MSH4: variants seen among roughly 807,000 people sequenced by gnomAD.
MSH4 encodes mutS homolog 4.
In MSH4, 106 loss-of-function variants were observed where a neutral mutation model predicts 113.7. The ratio of observed to expected loss-of-function variants is 0.93; its 90% CI spans 0.80 to 1.10. MSH4 has a LOEUF of 1.10. Among genes scored for constraint, MSH4 ranks in the 50% least tolerant of loss-of-function variants. MSH4 has a pLI of 0.00. For synonymous variants in MSH4, 368 were observed against 380.2 expected, an observed-to-expected ratio of 0.97 and a Z score of 0.37; for missense variants, 1,061 against 1,093.7, an observed-to-expected ratio of 0.97 and a Z score of 0.42.
rs2100574592 is a variant in MSH4, at chr1:75,883,734, A to G, written c.2020A>G (p.Asn674Asp). Residue 674 changes from asparagine to aspartate, a missense_variant, in exon 15 of 20, where the codon AAT (asparagine) becomes GAT (aspartate). Asn to Asp is a conservative substitution (Grantham distance 23). Transcript: ENST00000263187. The stretch of plus-strand genomic sequence containing the variant: ...CAATACCTATGTTACAGAAGGGAGT[A>G]ATTTTTTGATCATAACTGGACCAAA... ...ANNTYVTEGS[N>D]FLIITGPNMS... The G allele has an allele frequency of 6.2e-7, 1 of 1,613,414 alleles. No homozygotes were observed. The highest frequency in any genetic ancestry group is 2.2e-5 in the East Asian group (1 of 44,778).
At chr1:75,876,362 G>C (rs1042171918) in intron 9 of MSH4, among the ~76,000 whole-genome samples, 2 of 151,670 alleles carry the variant, frequency 1.3e-5, no homozygotes, top group East Asian at 3.9e-4. Flanking sequence ...ATTATTTTCT[G>C]TTCATAAGCA....
intron 7 of MSH4, 82 bp from the exon 8 acceptor site, chr1:75,848,127 C>A: frequency 2.3e-6 from 2 of 874,892 alleles, no homozygotes; most frequent in Non-Finnish European, 3.6e-6. Flanking sequence ...CTATTTTATT[C>A]TTTGAGGATA....
At chr1:75,856,529 C>T (rs1413053346) in intron 8 of MSH4, among the ~76,000 whole-genome samples, 1 of 152,130 alleles carries the variant, frequency 6.6e-6, no homozygotes, top group Non-Finnish European at 1.5e-5. Context: ...TGAGTGAGAA[C>T]ATGCGGTGTT....
At chr1:75,820,278 AGT>A (rs1219828270) in intron 6 of MSH4, among the ~76,000 whole-genome samples, 6 of 152,220 alleles carry the variant, frequency 3.9e-5, no homozygotes, top group Admixed American at 3.9e-4. Flanking sequence ...TCCTTGTTAA[AGT>A]GTAGTTCATT....
intron 8 of MSH4, among the ~76,000 whole-genome samples, chr1:75,855,868 G>A (rs1443948717): frequency 6.6e-6 from 1 of 152,164 alleles, no homozygotes; most frequent in Non-Finnish European, 1.5e-5. Context: ...CAGTGTATAA[G>A]TGAAGGCTAT....
chr1:75,911,678 A>G (rs764375692), intron 19 of MSH4, among the ~76,000 whole-genome samples: 33 of 152,082 alleles, frequency 2.2e-4, no homozygotes, highest in Non-Finnish European at 3.4e-4. Flanking sequence ...AACATAGATG[A>G]TAGTAGATAT....
Position 75,885,027 on chromosome 1 carries a change from ATATGTGTG to A in MSH4, c.2107+1208_2107+1215del, listed in dbSNP as rs1374593071. Among the ~76,000 whole-genome samples, 203 of 121,256 alleles carry A rather than the reference ATATGTGTG, an allele frequency of 1.7e-3. 1 individual carries two copies. The highest frequency in any genetic ancestry group is 8.3e-3 in the Middle Eastern group (2 of 240). 79.5% of individuals were successfully genotyped at this position (121,256 alleles called of 152,430 possible). ...TGTGTGTGTATGTGTGTATATATAT[ATATGTGTG>A]TGTGTGTGTGTGTGTGTGTGTGTGT... On this transcript the variant is annotated intron_variant, in intron 15 of 19. Coordinates refer to ENST00000263187, the MANE Select transcript of MSH4 (RefSeq NM_002440.4).
Position 75,898,388 on chromosome 1 carries a change from A to G in MSH4, c.2530+307A>G, listed in dbSNP as rs796448418. Among the ~76,000 whole-genome samples the G allele has an allele frequency of 2.0e-5, 3 of 152,120 alleles. No individual in the cohort carries two copies. The South Asian group carries it at 6.2e-4, about 31-fold the overall frequency. On this transcript the variant is annotated intron_variant, in intron 18 of 19. Coordinates refer to ENST00000263187, the MANE Select transcript of MSH4 (RefSeq NM_002440.4). ...TCTTATATTTGCAAGTTATATAATG[A>G]ATTGAAAATTATATATTTTCTACAC... is the stretch of plus-strand genomic sequence containing the variant.
chr1:75,902,678 T>C (rs1366417506), intron 19 of MSH4, among the ~76,000 whole-genome samples: 1 of 1,500 alleles, frequency 6.7e-4, no homozygotes, highest in Non-Finnish European at 1.2e-3. Flanking sequence ...TGTATGTATA[T>C]ATATATATAT....
intron 19 of MSH4, among the ~76,000 whole-genome samples, chr1:75,906,340 T>C (rs1652629742): frequency 7.0e-6 from 1 of 143,430 alleles, no homozygotes; most frequent in Non-Finnish European, 1.5e-5. Context: ...ATTTTGTTAC[T>C]TGTTATCTGG....
chr1:75,908,078 T>G (rs970233762), intron 19 of MSH4, among the ~76,000 whole-genome samples: 1 of 151,028 alleles, frequency 6.6e-6, no homozygotes, highest in Non-Finnish European at 1.5e-5. Context: ...TTTTTTAAGT[T>G]CAACAAATGT....
rs185547470 is a variant in MSH4, at chr1:75,812,045, C to G, written c.699+1238C>G. Among the ~76,000 whole-genome samples, 13 of 151,776 alleles carry G rather than the reference C, an allele frequency of 8.6e-5. No homozygotes were observed. The East Asian group carries it at 2.5e-3, about 29-fold the overall frequency. On this transcript the variant is annotated intron_variant, in intron 4 of 19. Coordinates refer to ENST00000263187, the MANE Select transcript of MSH4 (RefSeq NM_002440.4). ...TTTCATTATGCCTATTTATCCATAC[C>G]TTTCCAACTTTCATGTTTTGTTGTT...
chr1:75,866,852 C>G (rs1432134651), intron 8 of MSH4, among the ~76,000 whole-genome samples: 1 of 151,952 alleles, frequency 6.6e-6, no homozygotes, highest in African/African-American at 2.4e-5. Flanking sequence ...ATATCAAGTA[C>G]ATTATGTCAT....
intron 6 of MSH4, among the ~76,000 whole-genome samples, chr1:75,817,965 C>G (rs1403078164): frequency 1.3e-5 from 2 of 152,100 alleles, no homozygotes; most frequent in Admixed American, 6.6e-5. Flanking sequence ...CAGATTTGAT[C>G]CATCAGAAAA....
intron 15 of MSH4, among the ~76,000 whole-genome samples, chr1:75,888,069 C>T (rs1027682403): frequency 6.7e-6 from 1 of 148,606 alleles, no homozygotes; most frequent in African/African-American, 2.5e-5. Flanking sequence ...GTATAGGTGC[C>T]GTTATTATAA....
chr1:75,830,130 T>A (rs1650649956), intron 7 of MSH4, among the ~76,000 whole-genome samples: 1 of 152,142 alleles, frequency 6.6e-6, no homozygotes, highest in African/African-American at 2.4e-5. Flanking sequence ...GCACGAGAAC[T>A]TCTTGATGCG....
intron 7 of MSH4, among the ~76,000 whole-genome samples, chr1:75,842,295 A>C (rs554710489): frequency 6.6e-6 from 1 of 152,300 alleles, no homozygotes; most frequent in South Asian, 2.1e-4. Context: ...TCAGAGAGAT[A>C]GCAGGTTGTA....
intron 19 of MSH4, among the ~76,000 whole-genome samples, chr1:75,911,584 G>A (rs955637139): frequency 6.6e-6 from 1 of 151,986 alleles, no homozygotes; most frequent in Non-Finnish European, 1.5e-5. Flanking sequence ...CATTAAGACT[G>A]TAAGCTCCTT....
rs76236653 is a variant in MSH4, at chr1:75,833,468, G to T, written c.1162+10887G>T. 1.7e-4 allele frequency among the ~76,000 whole-genome samples: 26 copies of T among 152,120 alleles called. No homozygotes were observed. The East Asian group carries it at 4.8e-3, about 28-fold the overall frequency. On this transcript the variant is annotated intron_variant, in intron 7 of 19. Transcript: ENST00000263187. ...TTCACATGGAACCAAAAAAGAGCTC[G>T]CATTAACTGGACAATCCTAAACCAA...
Sources: allele counts gnomAD v4.1 joint callset (sites outside exome capture counted in the v4.1 genomes callset), GRCh38; gene constraint gnomAD v4.1.1; transcripts MANE v1.5; gene names NCBI Gene and HGNC (gene_info 2026-07-23, HGNC 2026-07-21).